UGT1A10: variants seen among roughly 807,000 people sequenced by gnomAD.
UGT1A10 encodes the protein UDP-glucuronosyltransferase 1A10.
UGT1A10 carries 49 observed loss-of-function variants against 45.8 expected under a neutral mutation model. The observed-to-expected ratio is 1.07, with a 90% CI of 0.85 to 1.36. The LOEUF (loss-of-function observed/expected upper bound fraction) is 1.36, where lower values mean the gene tolerates loss of function less well. Ranked by LOEUF, UGT1A10 falls within the 40% of genes most tolerant of loss-of-function variation. The pLI, the probability that UGT1A10 is intolerant of heterozygous loss-of-function variation, is 0.00. For synonymous variants in UGT1A10, 284 were observed against 249.7 expected (o/e 1.14, Z -1.29); for missense variants, 745 against 668.6 (o/e 1.11, Z -1.26).
chr2:233,650,288 G>T (rs557279623), intron 1 of UGT1A10, among the ~76,000 whole-genome samples: 56 of 152,168 alleles, frequency 3.7e-4, no homozygotes, highest in Non-Finnish European at 7.4e-4. Flanking sequence ...GATCCCACTT[G>T]TTTATAATTT....
intron 1 of UGT1A10, among the ~76,000 whole-genome samples, chr2:233,732,581 G>T (rs2078286817): frequency 6.6e-6 from 1 of 152,170 alleles, no homozygotes; most frequent in African/African-American, 2.4e-5. Flanking sequence ...CCCATTGCTT[G>T]TTTTTGTCAG....
intron 1 of UGT1A10, among the ~76,000 whole-genome samples, chr2:233,733,343 A>G (rs1239726536): frequency 4.6e-5 from 7 of 152,182 alleles, no homozygotes. Flanking sequence ...TTCCAACAGT[A>G]TGTTGAGTAG....
At chr2:233,684,509 G>A (rs1488139518) in intron 1 of UGT1A10, among the ~76,000 whole-genome samples, 1 of 152,120 alleles carries the variant, frequency 6.6e-6, no homozygotes, top group Admixed American at 6.5e-5. Flanking sequence ...ATTTAGAGAT[G>A]TAGAAATTAT....
chr2:233,761,002 C>G, intron 1 of UGT1A10: 3 of 1,614,176 alleles, frequency 1.9e-6, no homozygotes, highest in Non-Finnish European at 2.5e-6. Flanking sequence ...AGAATTCCTT[C>G]AGAGAGAGGT....
chr2:233,743,667 C>T lies in UGT1A10; in HGVS notation c.856-23367C>T, dbSNP rs201017854. 1.1e-4 allele frequency: 149 copies of T among 1,367,202 alleles called. 1 individual carries two copies. The highest frequency in any genetic ancestry group is 3.2e-4 in the East Asian group (7 of 21,982). The allele number at this position is 1,367,202 out of a possible 1,614,324, so 84.7% of individuals were successfully genotyped here. A position where few individuals can be genotyped will look rare whatever the true frequency, so the allele number is the denominator to read the frequency against. Reference sequence around the variant, plus strand: ...CTGAAGACGTACTCGAAGGGGTCCTCGAAGGGCCTGCCGCCTGTGCAGCCG... The same window carrying T: ...CTGAAGACGTACTCGAAGGGGTCCTTGAAGGGCCTGCCGCCTGTGCAGCCG... On this transcript the variant is annotated intron_variant, in intron 1 of 4. Coordinates refer to ENST00000344644, the MANE Select transcript of UGT1A10 (RefSeq NM_019075.4).
At chr2:233,765,043 G>A (rs987996173) in intron 1 of UGT1A10, among the ~76,000 whole-genome samples, 14 of 152,044 alleles carry the variant, frequency 9.2e-5, no homozygotes, top group Admixed American at 4.6e-4. Flanking sequence ...TGCAAATTGC[G>A]TTTGCTGAGC....
chr2:233,752,697 G>A (rs1396469701), intron 1 of UGT1A10, among the ~76,000 whole-genome samples: 1 of 152,136 alleles, frequency 6.6e-6, no homozygotes, highest in African/African-American at 2.4e-5. Context: ...GTTTACTAGT[G>A]GGGTATGATC....
chr2:233,768,215 C>T lies in UGT1A10; in HGVS notation c.1076-5C>T. The T allele has an allele frequency of 1.2e-6, 2 of 1,614,186 alleles. No individual in the cohort carries two copies. Among genetic ancestry groups the T allele is most frequent in the Admixed American group, 3.3e-5 (2 of 60,020 alleles). On this transcript the variant is annotated splice_polypyrimidine_tract_variant and splice_region_variant and intron_variant, in intron 3 of 4. Coordinates refer to ENST00000344644, the MANE Select transcript of UGT1A10 (RefSeq NM_019075.4). Reference sequence around the variant, plus strand: ...TGCTGACATCCTCCCTATTTTGCATCTCAGGTCACCCGATGACCCGTGCCT... The same window carrying T: ...TGCTGACATCCTCCCTATTTTGCATTTCAGGTCACCCGATGACCCGTGCCT...
chr2:233,685,727 G>A (rs150254106), intron 1 of UGT1A10, among the ~76,000 whole-genome samples: 5 of 152,194 alleles, frequency 3.3e-5, no homozygotes, highest in South Asian at 2.1e-4. Flanking sequence ...GTACTGCTTC[G>A]TCTTTCTCCA....
chr2:233,727,541 C>A (rs1316411121), intron 1 of UGT1A10, among the ~76,000 whole-genome samples: 2 of 152,166 alleles, frequency 1.3e-5, no homozygotes, highest in Non-Finnish European at 2.9e-5. Context: ...GCGTGTTCCA[C>A]CCGTCACCTG....
At chr2:233,670,329 T>C (rs1479722017) in intron 1 of UGT1A10, among the ~76,000 whole-genome samples, 1 of 152,186 alleles carries the variant, frequency 6.6e-6, no homozygotes, top group Non-Finnish European at 1.5e-5. Flanking sequence ...GAGAGACAGG[T>C]ACACTTGGTG....
At chr2:233,643,449 T>C (rs1344459847) in intron 1 of UGT1A10, among the ~76,000 whole-genome samples, 1 of 152,052 alleles carries the variant, frequency 6.6e-6, no homozygotes, top group Non-Finnish European at 1.5e-5. Context: ...TTCAAGGCAG[T>C]GGGCTCCCCT....
chr2:233,681,847 T>A (rs1333071945), intron 1 of UGT1A10: 1 of 1,518,354 alleles, frequency 6.6e-7, no homozygotes, highest in African/African-American at 1.4e-5. Flanking sequence ...ACACGCCTTC[T>A]TTTGAGGGCA....
rs777795406 is a variant in UGT1A10 at position 233,672,292 on chromosome 2, T to A, written c.855+34915T>A. On this transcript the variant is annotated intron_variant, in intron 1 of 4. Coordinates refer to ENST00000344644, the MANE Select transcript of UGT1A10 (RefSeq NM_019075.4). Reference sequence around the variant, plus strand: ...TTCATACAATGACATTTTTGACTTATTTTTTTCAAATTGCAGGAGTTTGTT... The same window carrying A: ...TTCATACAATGACATTTTTGACTTAATTTTTTCAAATTGCAGGAGTTTGTT... The A allele has an allele frequency of 8.1e-6, 13 of 1,613,840 alleles. No homozygotes were observed. The East Asian group carries it at 2.9e-4, about 36-fold the overall frequency.
intron 1 of UGT1A10, among the ~76,000 whole-genome samples, chr2:233,652,825 T>C (rs1175232727): frequency 6.6e-6 from 1 of 152,150 alleles, no homozygotes; most frequent in Non-Finnish European, 1.5e-5. Context: ...ATGGATCAAA[T>C]AGCTAAATAG....
intron 1 of UGT1A10, chr2:233,713,568 T>C: frequency 6.2e-7 from 1 of 1,613,984 alleles, no homozygotes; most frequent in South Asian, 1.1e-5. Context: ...CCCTTCCTCC[T>C]ATATTCCTAG....
chr2:233,691,330 G>C, intron 1 of UGT1A10: 1 of 985,542 alleles, frequency 1.0e-6, no homozygotes, highest in Non-Finnish European at 1.2e-6. Flanking sequence ...AGCTTGGACT[G>C]AGCTGAGTCT....
chr2:233,712,155 C>G (rs1431486401), intron 1 of UGT1A10, among the ~76,000 whole-genome samples: 1 of 152,220 alleles, frequency 6.6e-6, no homozygotes, highest in Non-Finnish European at 1.5e-5. Context: ...AAGAGGAATT[C>G]AGACTGTGCA....
At chr2:233,744,920 C>T (rs543250877) in intron 1 of UGT1A10, among the ~76,000 whole-genome samples, 1 of 151,948 alleles carries the variant, frequency 6.6e-6, no homozygotes, top group African/African-American at 2.4e-5. Flanking sequence ...GCTCAAGCTC[C>T]TTTTATAAAA....
Sources: allele counts gnomAD v4.1 joint callset (sites outside exome capture counted in the v4.1 genomes callset), GRCh38; gene constraint gnomAD v4.1.1; transcripts MANE v1.5; gene names NCBI Gene and HGNC (gene_info 2026-07-23, HGNC 2026-07-21).